Variants in ETV3 observed in about 807,000 individuals in gnomAD.
The protein encoded by ETV3 is ETS variant transcription factor 3, also known as ETS translocation variant 3.
Under a neutral mutation model 33.0 loss-of-function variants are expected in ETV3, and 8 were observed. The observed-to-expected ratio is 0.24, with a 90% CI of 0.14 to 0.44. ETV3 has a LOEUF of 0.44. Among genes scored for constraint, ETV3 ranks in the 20% least tolerant of loss-of-function variants. The pLI, the probability that ETV3 is intolerant of heterozygous loss-of-function variation, is 1.00. For missense variants in ETV3, 473 were observed against 652.3 expected (o/e 0.73, Z 2.99); for synonymous variants, 222 against 238.9 (o/e 0.93, Z 0.65).
Position 157,134,126 on chromosome 1 carries a change from T to G in ETV3, c.386A>C (p.Asn129Thr). 2 of 1,613,958 alleles carry G rather than the reference T, an allele frequency of 1.2e-6. No individual in the cohort carries two copies. The highest frequency in any genetic ancestry group is 1.7e-6 in the Non-Finnish European group (2 of 1,179,966). The change falls in exon 4 of 5, where the codon AAC becomes ACC. Residue 129 changes from asparagine (N) to threonine (T), a missense_variant. Physicochemically the swap from Asn to Thr is moderately conservative, Grantham distance 65 (BLOSUM62 0). Around this residue, in one of 3 missense-constraint regions of ETV3, gnomAD observed 410 missense variants for 520.2 expected, o/e 0.79. Coordinates refer to ENST00000368192, the MANE Select transcript of ETV3 (RefSeq NM_001145312.3). ...TTGTATCTTACCACTTGACCGAATG[T>G]TGATGAATGGGTAGTTGGGCATCAC... Reference protein sequence around the residue: ...KLVMPNYPFINIRSSGVVPQS... With the variant: ...KLVMPNYPFITIRSSGVVPQS...
chr1:157,125,956 G>C lies in ETV3; in HGVS notation c.424C>G (p.Pro142Ala). The change falls in exon 5 of 5, where the codon CCA becomes GCA. Residue 142 changes from proline (P) to alanine (A), a missense_variant. By Grantham distance (27) the Pro-to-Ala change is conservative (BLOSUM62 -1). This residue lies in a region of ETV3 where 410 missense variants were observed against 520.2 expected (regional missense o/e 0.79). Transcript: ENST00000368192. The surrounding 1 kb of genome is among the most constrained non-coding windows in gnomAD (Gnocchi z 4.0). ...AACCGGGAAGAGGCTGTTGGCACTG[G>C]TGGTGCACTCTGAGGAACCACACCT... ...SSGVVPQSAPPVPTASSRFHF... is the reference protein window; with the variant it reads ...SSGVVPQSAPAVPTASSRFHF... 1 of 1,550,662 alleles carries C rather than the reference G, an allele frequency of 6.4e-7. No homozygotes were observed. The highest frequency in any genetic ancestry group is 8.7e-7 in the Non-Finnish European group (1 of 1,146,538).
At chr1:157,133,937 C>CT in intron 4 of ETV3, 175 bp downstream of exon 4, 1 of 1,438,954 alleles carries the variant, frequency 6.9e-7, no homozygotes, top group Non-Finnish European at 9.1e-7. Flanking sequence ...ACTGAATAGC[C>CT]TATAACTCTC....
chr1:157,126,107 C>T (rs1674829790), intron 4 of ETV3, 128 bp from the exon 5 acceptor site: 4 of 854,904 alleles, frequency 4.7e-6, no homozygotes, highest in Non-Finnish European at 7.0e-6. Flanking sequence ...CTGAATCCCA[C>T]AGTTCTCCAA....
rs566512620 is a variant in ETV3, at chr1:157,132,798, C to T, written c.400+1314G>A. Among the ~76,000 whole-genome samples the T allele has an allele frequency of 1.2e-4, 18 of 150,380 alleles. No individual in the cohort carries two copies. In the South Asian group the frequency reaches 3.6e-3, roughly 30 times the overall value. On this transcript the variant is annotated intron_variant, in intron 4 of 4. Transcript: ENST00000368192. ...CCCCAGGGACAGGAGGGAGTGGTTA[C>T]AGAAGTTGAGATGAAACTGTAATGA...
chr1:157,136,920 C>T (rs1675126711), intron 1 of ETV3, among the ~76,000 whole-genome samples: 1 of 152,114 alleles, frequency 6.6e-6, no homozygotes, highest in South Asian at 2.1e-4. Flanking sequence ...CAAACTGCTC[C>T]CTCCCCCTTG....
Position 157,125,364 on chromosome 1 carries a change from G to A in ETV3, c.1016C>T (p.Ser339Leu). 6.4e-7 allele frequency: 1 copy of A among 1,551,968 alleles called. No individual in the cohort carries two copies. Among genetic ancestry groups the A allele is most frequent in the Non-Finnish European group, 8.7e-7 (1 of 1,147,062 alleles). The change falls in exon 5 of 5, where the codon TCA becomes TTA. Residue 339 changes from serine to leucine, a missense_variant. Around this residue, in one of 3 missense-constraint regions of ETV3, gnomAD observed 410 missense variants for 520.2 expected, o/e 0.79. Transcript: ENST00000368192. The surrounding 1 kb of genome is among the most constrained non-coding windows in gnomAD (Gnocchi z 4.0). ...CTGCAGCTTGATGGAGAACTGAGTT[G>A]ACTCCTCAGGATGCATTTGGCACTG... Reference protein sequence around the residue: ...PLQCQMHPEESTQFSIKLQPP... With the variant: ...PLQCQMHPEELTQFSIKLQPP...
At chr1:157,136,186 TCCA>T in intron 2 of ETV3, 118 bp downstream of exon 2, 1 of 946,838 alleles carries the variant, frequency 1.1e-6, no homozygotes, top group Admixed American at 2.0e-5. Context: ...CCTGCCAGTA[TCCA>T]CCTAGCCAAG....
rs979890222 is a variant in ETV3 at position 157,124,475 on chromosome 1, A to G, written c.*366T>C. The G allele has an allele frequency of 2.9e-5, 5 of 172,516 alleles. No individual in the cohort carries two copies. The highest frequency in any genetic ancestry group is 9.5e-5 in the African/African-American group (4 of 42,030). 10.7% of individuals were successfully genotyped at this position (172,516 alleles called of 1,614,324 possible). A position where few individuals can be genotyped will look rare whatever the true frequency, so the allele number is the denominator to read the frequency against. On this transcript the variant is annotated 3_prime_UTR_variant, in exon 5 of 5. Coordinates refer to ENST00000368192, the MANE Select transcript of ETV3 (RefSeq NM_001145312.3). Reference sequence around the variant, plus strand: ...AAAATAAATTCATTAATGGCTTTCCACATACAAATACAATAGAAAAGAAAG... The same window carrying G: ...AAAATAAATTCATTAATGGCTTTCCGCATACAAATACAATAGAAAAGAAAG...
intron 2 of ETV3, among the ~76,000 whole-genome samples, chr1:157,135,993 A>G (rs1675099973): frequency 6.6e-6 from 1 of 152,234 alleles, no homozygotes; most frequent in African/African-American, 2.4e-5. Context: ...GTGAGGACAT[A>G]AAAGTGCTAA....
In ETV3 at chr1:157,135,590, G is replaced by A; in HGVS notation, c.165C>T (p.Ala55=). 6.2e-7 allele frequency: 1 copy of A among 1,614,120 alleles called. No individual in the cohort carries two copies. Among genetic ancestry groups the A allele is most frequent in the Non-Finnish European group, 8.5e-7 (1 of 1,179,994 alleles). The change falls in exon 3 of 5, where the codon GCC becomes GCT. Residue 55 remains alanine (A), a synonymous_variant. Coordinates refer to ENST00000368192, the MANE Select transcript of ETV3 (RefSeq NM_001145312.3). Reference sequence around the variant, plus strand: ...ATTCCCCGTACTCTCCCTGCTGCCAGGCGATGACATGGCGGAACTCTTCCT... The same window carrying A: ...ATTCCCCGTACTCTCCCTGCTGCCAAGCGATGACATGGCGGAACTCTTCCT... The part of the protein sequence containing the change: ...LQKEEFRHVI[A]WQQGEYGEFV...
At position 157,121,759 on chromosome 1, in the gene ETV3, A is replaced by G. The variant is rs1674714232; in HGVS notation, c.*3082T>C. The G allele has an allele frequency of 3.9e-5, 6 of 152,238 alleles. No individual in the cohort carries two copies. Among genetic ancestry groups the G allele is most frequent in the Admixed American group, 3.9e-4 (6 of 15,288 alleles). The allele number at this position is 152,238 out of a possible 1,614,324, so 9.4% of individuals were successfully genotyped here. ...GACTCTACCCACTTGGTGAGAAGTG[A>G]TATACTTCAACTATTTTTTTAATGC... is the stretch of plus-strand genomic sequence containing the variant. On this transcript the variant is annotated 3_prime_UTR_variant, in exon 5 of 5. Transcript: ENST00000368192.
Position 157,135,180 on chromosome 1 carries a change from A to G in ETV3, c.284+291T>C, listed in dbSNP as rs553859089. ...TTGGATTATAAATGAACTCCAATCC[A>G]TGTTTCACCATATACTCTCGCCCAC... On this transcript the variant is annotated intron_variant, in intron 3 of 4. Coordinates refer to ENST00000368192, the MANE Select transcript of ETV3 (RefSeq NM_001145312.3). The G allele has an allele frequency of 9.8e-6, 5 of 512,782 alleles. No homozygotes were observed. The East Asian group carries it at 1.6e-4, about 16-fold the overall frequency. The allele number at this position is 512,782 out of a possible 1,614,324, so 31.8% of individuals were successfully genotyped here.
In ETV3 at chr1:157,124,724, A is replaced by G; in HGVS notation, c.*117T>C. Reference sequence around the variant, plus strand: ...CCCCAAAACATAAAAATACAAGTCTATGCCCCTAGAATGATCAAACCAGTT... The same window carrying G: ...CCCCAAAACATAAAAATACAAGTCTGTGCCCCTAGAATGATCAAACCAGTT... On this transcript the variant is annotated 3_prime_UTR_variant, in exon 5 of 5. Coordinates refer to ENST00000368192, the MANE Select transcript of ETV3 (RefSeq NM_001145312.3). 1 of 1,044,822 alleles carries G rather than the reference A, an allele frequency of 9.6e-7. No homozygotes were observed. The highest frequency in any genetic ancestry group is 1.3e-6 in the Non-Finnish European group (1 of 746,432). 64.7% of individuals were successfully genotyped at this position (1,044,822 alleles called of 1,614,324 possible).
At chr1:157,127,542 CTTTTT>C (rs779661847) in intron 4 of ETV3, among the ~76,000 whole-genome samples, 6 of 133,560 alleles carry the variant, frequency 4.5e-5, no homozygotes, top group Non-Finnish European at 8.1e-5. Flanking sequence ...CTTATGTCAA[CTTTTT>C]TTTTTTTTTT....
intron 4 of ETV3, among the ~76,000 whole-genome samples, chr1:157,132,277 C>T (rs761297298): frequency 6.6e-6 from 1 of 152,202 alleles, no homozygotes; most frequent in Non-Finnish European, 1.5e-5. Context: ...GGATCTTGAG[C>T]TTGGGTTAAA....
chr1:157,132,622 G>A (rs1674993873), intron 4 of ETV3, among the ~76,000 whole-genome samples: 2 of 152,160 alleles, frequency 1.3e-5, no homozygotes, highest in African/African-American at 2.4e-5. Flanking sequence ...ACAAGGAAGG[G>A]GCAAGAGTGA....
At chr1:157,132,205 C>A (rs545810581) in intron 4 of ETV3, among the ~76,000 whole-genome samples, 1 of 152,342 alleles carries the variant, frequency 6.6e-6, no homozygotes, top group African/African-American at 2.4e-5. Context: ...GCCTTGGCCT[C>A]CCAAAGTGTT....
intron 4 of ETV3, among the ~76,000 whole-genome samples, chr1:157,128,882 T>C (rs1025607183): frequency 3.2e-4 from 48 of 152,250 alleles, no homozygotes; most frequent in Non-Finnish European, 8.8e-5. Flanking sequence ...ATTTAGTAAA[T>C]GCTATCTATC....
chr1:157,129,408 A>C (rs1239885196), intron 4 of ETV3, among the ~76,000 whole-genome samples: 1 of 152,238 alleles, frequency 6.6e-6, no homozygotes, highest in Non-Finnish European at 1.5e-5. Context: ...TCAGAAACAT[A>C]ACACTGTAGA....
Sources: gnomAD v4.1 joint callset for allele counts (sites outside exome capture counted in the v4.1 genomes callset) on GRCh38, gnomAD v4.1.1 for gene constraint, gnomAD v4.1.1 regional missense constraint, Gnocchi (gnomAD v3.1) non-coding constraint, MANE v1.5 for transcripts, NCBI Gene and HGNC (gene_info 2026-07-23, HGNC 2026-07-21) for gene names.